LRRC37A2: variants seen among roughly 807,000 people sequenced by gnomAD.
LRRC37A2 encodes the protein leucine-rich repeat-containing protein 37A2.
A neutral mutation model predicts 68.8 loss-of-function variants in LRRC37A2; 9 were observed. That is an observed-to-expected ratio of 0.13 (90% CI 0.08 to 0.23). The LOEUF (loss-of-function observed/expected upper bound fraction) is 0.23, where lower values mean the gene tolerates loss of function less well. Ranked by LOEUF, LRRC37A2 falls within the 10% of genes least tolerant of loss-of-function variation. The pLI is 1.00. For missense variants in LRRC37A2, 168 were observed against 950.4 expected (o/e 0.18, Z 10.82); for synonymous variants, 63 against 367.6 (o/e 0.17, Z 9.48).
At chr17:46,750,252 C>G in the LRRC37A2 span, among the ~76,000 whole-genome samples, 2 of 152,244 alleles carry the variant, frequency 1.3e-5, no homozygotes, top group East Asian at 3.9e-4. Context: ...ACTCAGGAGG[C>G]TGAAGCAGGA....
intron 6 of LRRC37A2, among the ~76,000 whole-genome samples, chr17:46,532,130 C>A (rs1411103291): frequency 6.7e-6 from 1 of 149,952 alleles, no homozygotes; most frequent in Non-Finnish European, 1.5e-5. Context: ...AACTCCTAAC[C>A]TCAGATGATC....
the LRRC37A2 span, among the ~76,000 whole-genome samples, chr17:46,900,098 A>G: frequency 2.7e-5 from 4 of 148,280 alleles, no homozygotes; most frequent in Non-Finnish European, 5.9e-5. Context: ...GTACTGTTAG[A>G]TGTAGTAGGA....
the LRRC37A2 span, among the ~76,000 whole-genome samples, chr17:46,710,709 G>A: frequency 1.3e-5 from 2 of 152,058 alleles, no homozygotes; most frequent in Admixed American, 1.3e-4. Context: ...GAATTATGAG[G>A]GTTTGAGTCT....
the LRRC37A2 span, among the ~76,000 whole-genome samples, chr17:46,583,603 A>G: frequency 2.6e-5 from 2 of 77,510 alleles, no homozygotes; most frequent in African/African-American, 3.7e-5. Context: ...CAAGGATTTA[A>G]TATTTAAAAT....
chr17:47,000,073 A>AT, the LRRC37A2 span, among the ~76,000 whole-genome samples: 40 of 35,190 alleles, frequency 1.1e-3, 1 homozygote, highest in African/African-American at 3.8e-3. Context: ...TTAAAATAAA[A>AT]TAAAAAATAA....
chr17:46,489,305 T>G, the LRRC37A2 span, among the ~76,000 whole-genome samples: 1 of 88,652 alleles, frequency 1.1e-5, no homozygotes, highest in African/African-American at 4.3e-5. Context: ...GCTTGGCCGA[T>G]TTTTGTATTT....
chr17:46,615,732 A>T, the LRRC37A2 span, among the ~76,000 whole-genome samples: 17 of 49,580 alleles, frequency 3.4e-4, no homozygotes. Flanking sequence ...AAAAAAAAAA[A>T]TGCTGTAAAG....
At chr17:47,007,521 T>G in the LRRC37A2 span, among the ~76,000 whole-genome samples, 2 of 152,238 alleles carry the variant, frequency 1.3e-5, no homozygotes, top group African/African-American at 4.8e-5. Flanking sequence ...ATATAAAAAC[T>G]GCTATTGGAA....
the LRRC37A2 span, among the ~76,000 whole-genome samples, chr17:46,745,317 A>C: frequency 6.6e-6 from 1 of 152,212 alleles, no homozygotes; most frequent in Non-Finnish European, 1.5e-5. Flanking sequence ...CAATTTAATA[A>C]TTTGGTAATG....
At chr17:46,940,567 C>A in the LRRC37A2 span, 8 of 1,614,184 alleles carry the variant, frequency 5.0e-6, no homozygotes, top group Non-Finnish European at 5.9e-6. Context: ...ACCCAAGGAT[C>A]CTGCCAGACA....
At chr17:46,735,439 C>G in the LRRC37A2 span, among the ~76,000 whole-genome samples, 6 of 151,042 alleles carry the variant, frequency 4.0e-5, no homozygotes, top group African/African-American at 1.5e-4. Flanking sequence ...TTCTGTAGAA[C>G]TTACTCTTTG....
At chr17:46,932,001 C>T in the LRRC37A2 span, 1 of 1,457,154 alleles carries the variant, frequency 6.9e-7, no homozygotes, top group Non-Finnish European at 9.6e-7. Flanking sequence ...CAGTACAAAG[C>T]CTGGCCCCCT....
chr17:47,040,107 A>G, the LRRC37A2 span, among the ~76,000 whole-genome samples: 1 of 151,542 alleles, frequency 6.6e-6, no homozygotes, highest in Admixed American at 6.6e-5. Context: ...GAACTGAATC[A>G]TTTCTCTTAT....
chr17:46,749,924 G>A, the LRRC37A2 span: 2 of 1,612,508 alleles, frequency 1.2e-6, no homozygotes, highest in Non-Finnish European at 8.5e-7. Context: ...ATGAGTCAAT[G>A]GATTGCACAC....
At chr17:46,711,260 A>G in the LRRC37A2 span, 1 of 767,638 alleles carries the variant, frequency 1.3e-6, no homozygotes, top group Non-Finnish European at 1.9e-6. Context: ...AATCCAATCT[A>G]TGTACCAATA....
chr17:46,780,571 G>A, the LRRC37A2 span, among the ~76,000 whole-genome samples: 4 of 152,102 alleles, frequency 2.6e-5, no homozygotes, highest in Admixed American at 1.3e-4. Flanking sequence ...GGAGGATCAC[G>A]AGGTCAGGAG....
the LRRC37A2 span, among the ~76,000 whole-genome samples, chr17:46,827,109 G>C: frequency 1.3e-5 from 2 of 152,112 alleles, no homozygotes; most frequent in African/African-American, 4.8e-5. Context: ...TGGAAGACAG[G>C]CTTCTGTTTA....
chr17:46,691,314 G>A, the LRRC37A2 span, among the ~76,000 whole-genome samples: 1 of 81,862 alleles, frequency 1.2e-5, no homozygotes, highest in East Asian at 3.6e-4. Flanking sequence ...CAAAGATTAG[G>A]CTGGGCATGG....
At chr17:46,746,404 A>G in the LRRC37A2 span, among the ~76,000 whole-genome samples, 1 of 152,194 alleles carries the variant, frequency 6.6e-6, no homozygotes, top group African/African-American at 2.4e-5. Flanking sequence ...AATGAGTAAC[A>G]TTGAGAAAGG....
Sources: gnomAD v4.1 joint callset for allele counts (sites outside exome capture counted in the v4.1 genomes callset) on GRCh38, gnomAD v4.1.1 for gene constraint, MANE v1.5 for transcripts, NCBI Gene and HGNC (gene_info 2026-07-23, HGNC 2026-07-21) for gene names.